Variants in NAV1 observed in about 807,000 individuals in gnomAD.
NAV1 encodes the protein neuron navigator 1.
NAV1 carries 18 observed loss-of-function variants against 175.2 expected under a neutral mutation model. The observed-to-expected ratio is 0.10, with a 90% CI of 0.07 to 0.15. NAV1 has a LOEUF of 0.15. Ranked by LOEUF, NAV1 falls within the 10% of genes least tolerant of loss-of-function variation. The pLI is 1.00. For synonymous variants in NAV1, 897 were observed against 978.7 expected, an observed-to-expected ratio of 0.92 and a Z score of 1.56; for missense variants, 1,731 against 2,436.6, an observed-to-expected ratio of 0.71 and a Z score of 6.10.
chr1:201,546,682 G>A (rs1402983268), intron 1 of NAV1, among the ~76,000 whole-genome samples: 1 of 151,836 alleles, frequency 6.6e-6, no homozygotes, highest in Non-Finnish European at 1.5e-5. Context: ...AGGTGGGTGG[G>A]TCACGAGATC....
rs1238743551 is a variant in NAV1 at position 201,782,659 on chromosome 1, A to G, written c.2147A>G (p.Lys716Arg). Reference sequence around the variant, plus strand: ...GGAGGCCTTACGCCTTCCAGACTGAAGGAGCCTACCAAGGTAGCCAGTGGG... The same window carrying G: ...GGAGGCCTTACGCCTTCCAGACTGAGGGAGCCTACCAAGGTAGCCAGTGGG... The change falls in exon 6 of 30, where the codon AAG becomes AGG. Residue 716 changes from lysine to arginine, a missense_variant. By Grantham distance (26) the Lys-to-Arg change is conservative. Transcript: ENST00000367296. This position sits in a 1 kb window ranked among gnomAD's most constrained non-coding sequence, Gnocchi z 5.4. 1 of 1,614,040 alleles carries G rather than the reference A, an allele frequency of 6.2e-7. No homozygotes were observed. The highest frequency in any genetic ancestry group is 8.5e-7 in the Non-Finnish European group (1 of 1,180,034).
intron 1 of NAV1, among the ~76,000 whole-genome samples, chr1:201,695,278 T>C (rs1328973642): frequency 6.6e-6 from 1 of 152,194 alleles, no homozygotes; most frequent in Admixed American, 6.5e-5. Context: ...TTAACAGCTT[T>C]CTCCTCTCCG....
Position 201,796,598 on chromosome 1 carries a change from G to A in NAV1, c.3517+2021G>A, listed in dbSNP as rs192661850. 1.8e-3 allele frequency: 247 copies of A among 140,906 alleles called. 3 individuals are homozygous for A. Among genetic ancestry groups the A allele is most frequent in the African/African-American group, 6.3e-3 (237 of 37,850 alleles). The allele number at this position is 140,906 out of a possible 1,614,324, so 8.7% of individuals were successfully genotyped here. ...CCACCTCGGCGTCCCAAAGTGCTGG[G>A]ATTACAGGCGTGAGCCACACACCCA... is the stretch of plus-strand genomic sequence containing the variant. On this transcript the variant is annotated intron_variant, in intron 15 of 29. Transcript: ENST00000367296.
At chr1:201,801,198 CGTT>C (rs1028901582) in intron 15 of NAV1, among the ~76,000 whole-genome samples, 26 of 152,302 alleles carry the variant, frequency 1.7e-4, no homozygotes, top group African/African-American at 6.3e-4. Flanking sequence ...GTATGATAAT[CGTT>C]GTACAAAGGG....
At chr1:201,663,669 G>T (rs1669701482) in intron 1 of NAV1, among the ~76,000 whole-genome samples, 1 of 152,176 alleles carries the variant, frequency 6.6e-6, no homozygotes, top group Admixed American at 6.5e-5. Context: ...AGACATCCTG[G>T]TTCCTTCTCT....
chr1:201,557,105 T>A (rs984810841), intron 1 of NAV1, among the ~76,000 whole-genome samples: 16 of 129,404 alleles, frequency 1.2e-4, no homozygotes, highest in Non-Finnish European at 2.8e-4. Flanking sequence ...AAGTCCAGTT[T>A]GGTGTCAAGT....
At chr1:201,705,543 A>C (rs1056283526) in intron 1 of NAV1, among the ~76,000 whole-genome samples, 7 of 152,194 alleles carry the variant, frequency 4.6e-5, no homozygotes, top group African/African-American at 1.7e-4. Context: ...CCTGGGGAGC[A>C]GGAGCACTCA....
In NAV1 at chr1:201,788,417, T is replaced by C. The variant is rs1319312831; in HGVS notation, c.2996-51T>C. The C allele has an allele frequency of 6.2e-7, 1 of 1,606,702 alleles. No individual in the cohort carries two copies. Among genetic ancestry groups the C allele is most frequent in the African/African-American group, 1.3e-5 (1 of 74,794 alleles). On this transcript the variant is annotated intron_variant, in intron 9 of 29. Coordinates refer to ENST00000367296, the Ensembl canonical transcript of NAV1. This position sits in a 1 kb window ranked among gnomAD's most constrained non-coding sequence, Gnocchi z 5.7. ...CCGGAGAGCTGATGACCCTGCCTCT[T>C]TTCCTGCCCTCCTGCTCCCTCTCCT...
chr1:201,748,953 G>A (rs1197740672), intron 3 of NAV1, among the ~76,000 whole-genome samples: 1 of 152,118 alleles, frequency 6.6e-6, no homozygotes, highest in Non-Finnish European at 1.5e-5. Context: ...TTCGAGACCA[G>A]CCTGGCCAAC....
intron 28 of NAV1, among the ~76,000 whole-genome samples, chr1:201,816,024 C>T (rs953768635): frequency 2.0e-5 from 3 of 152,046 alleles, no homozygotes; most frequent in Non-Finnish European, 4.4e-5. Flanking sequence ...AGGTGTGAGC[C>T]ATCGCACGCA....
At chr1:201,725,330 G>A (rs1305589171) in intron 3 of NAV1, among the ~76,000 whole-genome samples, 1 of 152,176 alleles carries the variant, frequency 6.6e-6, no homozygotes, top group Non-Finnish European at 1.5e-5. Flanking sequence ...GCTGGGCCAG[G>A]CCTAGTTTTT....
exon 1 of NAV1, chr1:201,623,138 T>A: frequency 1.0e-6 from 1 of 985,802 alleles, no homozygotes; most frequent in South Asian, 4.7e-5. Context: ...GCTGGGGCGG[T>A]GAGGGAGTCA....
intron 1 of NAV1, among the ~76,000 whole-genome samples, chr1:201,676,296 C>T (rs1405484416): frequency 1.3e-5 from 2 of 152,234 alleles, no homozygotes; most frequent in Non-Finnish European, 2.9e-5. Context: ...GAAAGTTTGA[C>T]TCCTTCCTGA....
At chr1:201,631,953 A>G (rs868437759) in intron 2 of NAV1, among the ~76,000 whole-genome samples, 1 of 152,250 alleles carries the variant, frequency 6.6e-6, no homozygotes, top group Middle Eastern at 3.4e-3. Context: ...ATTTGAATGA[A>G]TGAGTAAGGA....
chr1:201,691,028 G>A lies in NAV1; in HGVS notation c.758-21789G>A, dbSNP rs1040968708. 2.6e-5 allele frequency among the ~76,000 whole-genome samples: 4 copies of A among 152,196 alleles called. No homozygotes were observed. In the East Asian group the frequency reaches 5.8e-4, roughly 22 times the overall value. The stretch of plus-strand genomic sequence containing the variant: ...AATCCAGGAAGTGAAGCTTGGGGAG[G>A]GGGAGTTGTTAATGTTAACGGTTCA... On this transcript the variant is annotated intron_variant, in intron 1 of 29. Transcript: ENST00000367296.
intron 1 of NAV1, among the ~76,000 whole-genome samples, chr1:201,679,838 A>T (rs532654599): frequency 3.1e-4 from 47 of 152,348 alleles, no homozygotes; most frequent in Middle Eastern, 3.4e-3. Flanking sequence ...TAGGTTTGTC[A>T]TTCCTATATA....
intron 1 of NAV1, among the ~76,000 whole-genome samples, chr1:201,584,759 G>T (rs16849058): frequency 6.6e-6 from 1 of 152,186 alleles, no homozygotes; most frequent in Non-Finnish European, 1.5e-5. Flanking sequence ...CTCCACCAAG[G>T]CCTGGATTCT....
chr1:201,553,688 G>A (rs1352301090), intron 1 of NAV1, among the ~76,000 whole-genome samples: 2 of 152,146 alleles, frequency 1.3e-5, no homozygotes, highest in African/African-American at 4.8e-5. Context: ...CCCACCCACT[G>A]TCTCCGTGTT....
At chr1:201,551,527 C>T (rs989306356) in intron 1 of NAV1, among the ~76,000 whole-genome samples, 3 of 152,204 alleles carry the variant, frequency 2.0e-5, no homozygotes, top group Non-Finnish European at 2.9e-5. Flanking sequence ...CCTCGCCCAG[C>T]GCCACAGTGT....
Sources: gnomAD v4.1 joint callset for allele counts (sites outside exome capture counted in the v4.1 genomes callset) on GRCh38, gnomAD v4.1.1 for gene constraint, Gnocchi (gnomAD v3.1) non-coding constraint, MANE v1.5 for transcripts, NCBI Gene and HGNC (gene_info 2026-07-23, HGNC 2026-07-21) for gene names.